Variants in NTM observed in about 807,000 individuals in gnomAD.
NTM encodes the protein IgLON family member 2.
In NTM, 13 loss-of-function variants were observed where a neutral mutation model predicts 42.1. That is an observed-to-expected ratio of 0.31 (90% confidence interval 0.20 to 0.49). The LOEUF (loss-of-function observed/expected upper bound fraction) is 0.49, where lower values mean the gene tolerates loss of function less well. Ranked by LOEUF, NTM falls within the 20% of genes least tolerant of loss-of-function variation. NTM has a pLI of 0.99. For synonymous variants in NTM, 187 were observed against 179.2 expected (o/e 1.04, Z -0.35); for missense variants, 373 against 452.8 (o/e 0.82, Z 1.60).
chr11:131,382,622 A>C (rs2135530758), intron 1 of NTM, among the ~76,000 whole-genome samples: 1 of 152,328 alleles, frequency 6.6e-6, no homozygotes, highest in African/African-American at 2.4e-5. Flanking sequence ...GGATAGAAGT[A>C]AAAGTGTATG....
chr11:131,650,284 G>T (rs777704458), intron 1 of NTM, among the ~76,000 whole-genome samples: 10 of 152,166 alleles, frequency 6.6e-5, no homozygotes, highest in Non-Finnish European at 1.5e-4. Flanking sequence ...AATTTGGGGG[G>T]TACATCCTCA....
chr11:132,174,473 G>A (rs567320336), intron 3 of NTM, among the ~76,000 whole-genome samples: 90 of 152,194 alleles, frequency 5.9e-4, no homozygotes, highest in Non-Finnish European at 1.1e-3. Context: ...TAACAGAATC[G>A]ATGCTAGTGC....
rs2059494788 is a variant in NTM at position 131,592,805 on chromosome 11, T to C, written c.82+221917T>C. On this transcript the variant is annotated intron_variant, in intron 1 of 8. Transcript: ENST00000683400. The stretch of plus-strand genomic sequence containing the variant: ...GCCTGCCACACTCCCCAAGCTGCAG[T>C]CCCCCAGGTCCCCTCTCCCTGGCCC... Among the ~76,000 whole-genome samples the C allele has an allele frequency of 3.3e-5, 5 of 151,972 alleles. No homozygotes were observed. In the South Asian group the frequency reaches 1.0e-3, roughly 32 times the overall value.
At chr11:131,404,329 T>C (rs1411538238) in intron 1 of NTM, among the ~76,000 whole-genome samples, 1 of 152,238 alleles carries the variant, frequency 6.6e-6, no homozygotes, top group Non-Finnish European at 1.5e-5. Flanking sequence ...TTGACATAGA[T>C]GACCCTTTCT....
rs544830728 is a variant in NTM, at chr11:132,245,138, G to T, written c.526+32991G>T. ...AGAGAGGTTCCCCGGCCCCTGCCAG[G>T]CCTGGCAGAGGACAGAGGTTTGCCG... On this transcript the variant is annotated intron_variant, in intron 4 of 8. Coordinates refer to ENST00000683400, the MANE Select transcript of NTM (RefSeq NM_001352005.2). 1.3e-5 allele frequency among the ~76,000 whole-genome samples: 2 copies of T among 152,316 alleles called. 1 individual carries two copies. The highest frequency in any genetic ancestry group is 4.1e-4 in the South Asian group (2 of 4,824).
chr11:132,049,930 T>C (rs902250678), intron 2 of NTM, among the ~76,000 whole-genome samples: 1 of 152,022 alleles, frequency 6.6e-6, no homozygotes, highest in Non-Finnish European at 1.5e-5. Flanking sequence ...CTTCCAACAG[T>C]TTTTGATACA....
chr11:132,175,306 G>T (rs2076644079), intron 3 of NTM, among the ~76,000 whole-genome samples: 1 of 151,816 alleles, frequency 6.6e-6, no homozygotes, highest in African/African-American at 2.4e-5. Flanking sequence ...TCACCTCATG[G>T]TCCACCCACA....
chr11:131,852,520 G>A (rs769533856), intron 1 of NTM, among the ~76,000 whole-genome samples: 15 of 152,226 alleles, frequency 9.9e-5, no homozygotes, highest in Non-Finnish European at 1.5e-4. Flanking sequence ...GAGAGAAGAG[G>A]TAGGCTAGCA....
chr11:131,431,334 A>C (rs112350429), intron 1 of NTM, among the ~76,000 whole-genome samples: 2,893 of 152,302 alleles, frequency 0.019, 96 homozygotes, highest in African/African-American at 0.065. Context: ...TTCCTGGCCA[A>C]AACATCTCCC....
At position 131,988,018 on chromosome 11, in the gene NTM, T is replaced by C. The variant is rs575375213; in HGVS notation, c.167+76370T>C. 2.0e-5 allele frequency among the ~76,000 whole-genome samples: 3 copies of C among 152,340 alleles called. No individual in the cohort carries two copies. In the South Asian group the frequency reaches 6.2e-4, roughly 32 times the overall value. ...CTGATAAACAACAAACATTTATTCC[T>C]CACAGTCTGGAGGCTGGGAAGTCCA... On this transcript the variant is annotated intron_variant, in intron 2 of 8. Transcript: ENST00000683400.
intron 2 of NTM, among the ~76,000 whole-genome samples, chr11:132,041,237 G>T (rs1011634985): frequency 4.5e-5 from 6 of 134,146 alleles, no homozygotes; most frequent in African/African-American, 7.7e-5. Flanking sequence ...TAGATAGAGA[G>T]AGAGAGAGAG....
At chr11:132,069,737 TAGTTAACACGTCACACAGCCA>T (rs1303854147) in intron 2 of NTM, among the ~76,000 whole-genome samples, 5 of 150,966 alleles carry the variant, frequency 3.3e-5, no homozygotes, top group Admixed American at 1.3e-4. Flanking sequence ...CATCACAGGT[TAGTTAACACGTCACACAGCCA>T]AGTTAACACG....
intron 7 of NTM, among the ~76,000 whole-genome samples, chr11:132,320,692 C>T (rs531465891): frequency 1.3e-5 from 2 of 152,240 alleles, no homozygotes; most frequent in Admixed American, 6.5e-5. Context: ...AGGAGGCCTG[C>T]CTGCCTCTGT....
At chr11:131,693,898 C>T (rs1207356097) in intron 1 of NTM, among the ~76,000 whole-genome samples, 1 of 152,178 alleles carries the variant, frequency 6.6e-6, no homozygotes, top group African/African-American at 2.4e-5. Context: ...AAGCACATTC[C>T]TGTGTTTGAC....
intron 1 of NTM, among the ~76,000 whole-genome samples, chr11:131,652,237 A>G (rs150209846): frequency 2.6e-5 from 4 of 152,348 alleles, no homozygotes; most frequent in South Asian, 2.1e-4. Context: ...GGCTATACAC[A>G]TGGAGCAGCA....
intron 1 of NTM, among the ~76,000 whole-genome samples, chr11:131,733,273 A>C (rs528106648): frequency 6.6e-6 from 1 of 152,268 alleles, no homozygotes; most frequent in African/African-American, 2.4e-5. Flanking sequence ...CCATGAACTA[A>C]ATCCAGGGCC....
intron 4 of NTM, among the ~76,000 whole-genome samples, chr11:132,277,899 TCTTA>T (rs1386473180): frequency 6.6e-6 from 1 of 152,202 alleles, no homozygotes; most frequent in Non-Finnish European, 1.5e-5. Context: ...GTTTGAGGAC[TCTTA>T]CTTTCTGAGT....
intron 1 of NTM, among the ~76,000 whole-genome samples, chr11:131,427,459 T>A (rs1447626284): frequency 6.6e-6 from 1 of 151,934 alleles, no homozygotes; most frequent in South Asian, 2.1e-4. Flanking sequence ...ATAAGACCCC[T>A]TGATCTCTAC....
intron 2 of NTM, among the ~76,000 whole-genome samples, chr11:131,935,289 T>G (rs1358970473): frequency 2.6e-5 from 4 of 152,198 alleles, no homozygotes; most frequent in Admixed American, 1.3e-4. Flanking sequence ...TTTGCCACAT[T>G]ACTACTTTGA....
Sources: allele counts gnomAD v4.1 joint callset (sites outside exome capture counted in the v4.1 genomes callset), GRCh38; gene constraint gnomAD v4.1.1; transcripts MANE v1.5; gene names NCBI Gene and HGNC (gene_info 2026-07-23, HGNC 2026-07-21).